The following PRCC variants were observed in gnomAD, a reference collection of about 807,000 sequenced individuals.
PRCC encodes proline rich mitotic checkpoint control factor, also known as proline-rich protein PRCC.
Under a neutral mutation model 44.0 loss-of-function variants are expected in PRCC, and 10 were observed. The observed-to-expected ratio is 0.23, with a 90% confidence interval of 0.14 to 0.39. The LOEUF (loss-of-function observed/expected upper bound fraction) is 0.39. PRCC is among the 10% of genes least tolerant of loss of function. PRCC has a pLI of 1.00. For missense variants in PRCC, 573 were observed against 624.7 expected (o/e 0.92, Z 0.88); for synonymous variants, 278 against 259.5 (o/e 1.07, Z -0.69).
chr1:156,787,118 A>G lies in PRCC; in HGVS notation c.1027A>G (p.Ser343Gly), dbSNP rs1449181294. ...GATGCCTAAGCCTGGGGACGACTAC[A>G]GCTACAATCAGTTTTCCACATATGG... ...PWMPKPGDDY[S>G]YNQFSTYGDA... is the part of the protein sequence containing the mutation. The change falls in exon 3 of 7, where the codon AGC (serine) becomes GGC (glycine). Residue 343 changes from serine to glycine, a missense_variant. By Grantham distance (56) the Ser-to-Gly change is moderately conservative (BLOSUM62 0). Transcript: ENST00000271526. 1.1e-5 allele frequency: 17 copies of G among 1,613,600 alleles called. No individual in the cohort carries two copies. Among genetic ancestry groups the G allele is most frequent in the Non-Finnish European group, 1.4e-5 (17 of 1,179,714 alleles).
chr1:156,784,966 C>T (rs1484839210), intron 2 of PRCC, among the ~76,000 whole-genome samples: 1 of 151,950 alleles, frequency 6.6e-6, no homozygotes, highest in Non-Finnish European at 1.5e-5. Flanking sequence ...TAGGGCTTTC[C>T]TTGGGTAGGG....
intron 3 of PRCC, among the ~76,000 whole-genome samples, chr1:156,788,959 CCCTG>C (rs1652379580): frequency 4.0e-5 from 6 of 151,422 alleles, no homozygotes. Flanking sequence ...AGCTACCGCG[CCCTG>C]CCTATTTTTT....
intron 3 of PRCC, chr1:156,791,267 G>A (rs1021468481): frequency 3.8e-6 from 3 of 798,164 alleles, no homozygotes; most frequent in African/African-American, 3.4e-5. Context: ...AAACTAGAAT[G>A]AGGAGCAGGA....
rs181635942 is a variant in PRCC at position 156,798,616 on chromosome 1, G to T, written c.1389+1275G>T. On this transcript the variant is annotated intron_variant, in intron 6 of 6. Transcript: ENST00000271526. ...TCACGCCTGTAATCCCAGCACTTTC[G>T]GAGGCTGAGGCGGGCGGATCACGAG... is the stretch of plus-strand genomic sequence containing the variant. 4.6e-5 allele frequency among the ~76,000 whole-genome samples: 7 copies of T among 152,206 alleles called. No individual in the cohort carries two copies. The East Asian group carries it at 1.4e-3, about 29-fold the overall frequency.
intron 1 of PRCC, among the ~76,000 whole-genome samples, chr1:156,778,408 A>T (rs1651903997): frequency 6.6e-6 from 1 of 152,120 alleles, no homozygotes; most frequent in Non-Finnish European, 1.5e-5. Flanking sequence ...TATAAATACC[A>T]CGTTTTCTTT....
intron 6 of PRCC, among the ~76,000 whole-genome samples, chr1:156,799,176 C>T (rs1268319788): frequency 6.6e-6 from 1 of 152,112 alleles, no homozygotes; most frequent in African/African-American, 2.4e-5. Context: ...TAAATTTTAA[C>T]TTTCTATAGA....
At chr1:156,783,760 A>G (rs1024213337) in intron 2 of PRCC, among the ~76,000 whole-genome samples, 6 of 151,928 alleles carry the variant, frequency 3.9e-5, no homozygotes, top group African/African-American at 1.4e-4. Context: ...AACATAAAAA[A>G]ATACATAAAA....
intron 6 of PRCC, 148 bp downstream of exon 6, chr1:156,797,489 T>A: frequency 1.2e-6 from 1 of 806,818 alleles, no homozygotes; most frequent in Non-Finnish European, 2.0e-6. Flanking sequence ...GAGCGGCCAC[T>A]AGGAGGGGAT....
intron 1 of PRCC, among the ~76,000 whole-genome samples, chr1:156,778,707 T>G (rs7524758): frequency 6.6e-6 from 1 of 151,556 alleles, no homozygotes; most frequent in Admixed American, 6.6e-5. Context: ...CTCAGCCCCC[T>G]GAGTATCTGG....
intron 3 of PRCC, 52 bp from the exon 4 acceptor site, chr1:156,791,645 C>G: frequency 1.3e-6 from 2 of 1,536,342 alleles, no homozygotes; most frequent in African/African-American, 1.4e-5. Context: ...TTACCTTCCC[C>G]TCTCCAACTG....
chr1:156,800,053 CT>C (rs2102777278), intron 6 of PRCC, among the ~76,000 whole-genome samples: 1 of 152,310 alleles, frequency 6.6e-6, no homozygotes, highest in South Asian at 2.1e-4. Flanking sequence ...AGCTGATTTT[CT>C]TCCTTTTAGA....
chr1:156,781,814 C>T (rs1287686025), intron 1 of PRCC, among the ~76,000 whole-genome samples: 1 of 152,212 alleles, frequency 6.6e-6, no homozygotes, highest in Non-Finnish European at 1.5e-5. Context: ...CTCAATCCCA[C>T]TGGAGTTCCC....
intron 3 of PRCC, 140 bp from the exon 4 acceptor site, chr1:156,791,557 T>C: frequency 1.4e-6 from 1 of 707,006 alleles, no homozygotes; most frequent in Non-Finnish European, 2.3e-6. Flanking sequence ...TGCCTTTAAC[T>C]GGTCTGTTTG....
At chr1:156,790,449 T>C (rs1282835267) in intron 3 of PRCC, among the ~76,000 whole-genome samples, 2 of 152,148 alleles carry the variant, frequency 1.3e-5, no homozygotes, top group African/African-American at 4.8e-5. Context: ...ATGATGAAAC[T>C]CCATCTCTAC....
At chr1:156,782,916 T>A (rs545297777) in intron 2 of PRCC, among the ~76,000 whole-genome samples, 11 of 152,266 alleles carry the variant, frequency 7.2e-5, no homozygotes, top group South Asian at 2.1e-4. Flanking sequence ...ATATATATTT[T>A]TTTTTTGAGA....
At chr1:156,787,987 A>G (rs751867121) in intron 3 of PRCC, among the ~76,000 whole-genome samples, 7 of 152,080 alleles carry the variant, frequency 4.6e-5, no homozygotes, top group Non-Finnish European at 7.4e-5. Context: ...ACATTCCACC[A>G]TGCCCGCTAA....
intron 2 of PRCC, among the ~76,000 whole-genome samples, chr1:156,784,569 G>T (rs992250453): frequency 3.3e-5 from 5 of 152,174 alleles, no homozygotes; most frequent in Non-Finnish European, 5.9e-5. Context: ...CCTCAGTGTG[G>T]TTCCTATGAA....
intron 6 of PRCC, among the ~76,000 whole-genome samples, 189 bp downstream of exon 6, chr1:156,797,530 A>G (rs1220179098): frequency 6.6e-6 from 1 of 152,208 alleles, no homozygotes; most frequent in African/African-American, 2.4e-5. Flanking sequence ...GCTCTACTTC[A>G]GTCTCAATGC....
Position 156,767,848 on chromosome 1 carries a change from C to A in PRCC, c.77C>A (p.Ala26Glu). Residue 26 changes from alanine (A) to glutamate (E), a missense_variant, in exon 1 of 7, where the codon GCG becomes GAG. Physicochemically the swap from Ala to Glu is moderately radical, Grantham distance 107. Transcript: ENST00000271526. ...EAEPEPEEEE[A>E]VAPTSGPALG... ...GAGCCCGAGCCGGAGGAAGAGGAGG[C>A]GGTGGCTCCTACATCTGGGCCCGCT... 1 of 1,609,894 alleles carries A rather than the reference C, an allele frequency of 6.2e-7. No individual in the cohort carries two copies. The highest frequency in any genetic ancestry group is 1.8e-4 in the Middle Eastern group (1 of 5,492).
Sources: gnomAD v4.1 joint callset for allele counts (sites outside exome capture counted in the v4.1 genomes callset) on GRCh38, gnomAD v4.1.1 for gene constraint, MANE v1.5 for transcripts, NCBI Gene and HGNC (gene_info 2026-07-23, HGNC 2026-07-21) for gene names.